Variants in CHRM3 observed in about 807,000 individuals in gnomAD.
The protein encoded by CHRM3 is cholinergic receptor muscarinic 3.
CHRM3 carries 11 observed loss-of-function variants against 41.8 expected under a neutral mutation model. That is an observed-to-expected ratio of 0.26 (90% CI 0.17 to 0.44). CHRM3 has a LOEUF of 0.44. Ranked by LOEUF, CHRM3 falls within the 20% of genes least tolerant of loss-of-function variation. The pLI, the probability that CHRM3 is intolerant of heterozygous loss-of-function variation, is 1.00. For synonymous variants in CHRM3, 297 were observed against 301.4 expected (o/e 0.99, Z 0.15); for missense variants, 571 against 745.4 (o/e 0.77, Z 2.72).
At chr1:239,503,347 A>T (rs960697624) in intron 2 of CHRM3, among the ~76,000 whole-genome samples, 2 of 152,134 alleles carry the variant, frequency 1.3e-5, no homozygotes, top group Non-Finnish European at 2.9e-5. Flanking sequence ...TTAGGAATAT[A>T]CCTAACCAAG....
At chr1:239,533,706 G>A (rs1306430551) in intron 2 of CHRM3, among the ~76,000 whole-genome samples, 1 of 139,766 alleles carries the variant, frequency 7.2e-6, no homozygotes, top group Non-Finnish European at 1.5e-5. Context: ...ACTCCAGCCT[G>A]GGCAACAAGA....
At chr1:239,413,096 G>A (rs1296318967) in intron 1 of CHRM3, among the ~76,000 whole-genome samples, 1 of 148,082 alleles carries the variant, frequency 6.8e-6, no homozygotes, top group African/African-American at 2.5e-5. Context: ...AAACAAAAAT[G>A]AAAAAAAAAA....
At chr1:239,503,654 G>A (rs1039099899) in intron 2 of CHRM3, among the ~76,000 whole-genome samples, 3 of 152,124 alleles carry the variant, frequency 2.0e-5, no homozygotes, top group African/African-American at 7.2e-5. Flanking sequence ...CACACTACCT[G>A]ATTTCCAACT....
chr1:239,890,575 AC>A (rs781166724), intron 6 of CHRM3, among the ~76,000 whole-genome samples: 14 of 152,080 alleles, frequency 9.2e-5, no homozygotes, highest in Non-Finnish European at 2.1e-4. Flanking sequence ...ATATTGAGGG[AC>A]CCACAGTAAG....
intron 5 of CHRM3, among the ~76,000 whole-genome samples, chr1:239,702,332 T>G (rs932482651): frequency 1.3e-5 from 2 of 152,152 alleles, no homozygotes; most frequent in African/African-American, 4.8e-5. Flanking sequence ...TTGGATTCAG[T>G]TCTGGCATTT....
rs574827445 is a variant in CHRM3, at chr1:239,558,581, A to G, written c.-313+12832A>G. 1.2e-4 allele frequency among the ~76,000 whole-genome samples: 18 copies of G among 152,246 alleles called. No individual in the cohort carries two copies. In the South Asian group the frequency reaches 2.9e-3, roughly 25 times the overall value. On this transcript the variant is annotated intron_variant, in intron 3 of 6. Transcript: ENST00000676153. The stretch of plus-strand genomic sequence containing the variant: ...TAGAACACATTTTCCCTAATTGCTT[A>G]CTTTCATTCAAGAATATTTAATTGA...
intron 3 of CHRM3, among the ~76,000 whole-genome samples, chr1:239,618,867 G>A (rs1572958534): frequency 2.8e-5 from 4 of 143,618 alleles, no homozygotes; most frequent in Admixed American, 7.0e-5. Flanking sequence ...AAAAAGTAAA[G>A]ATGACATTTA....
In CHRM3 at chr1:239,636,993, A is replaced by T. The variant is rs575483028; in HGVS notation, c.-250+4707A>T. 1.9e-4 allele frequency among the ~76,000 whole-genome samples: 29 copies of T among 152,316 alleles called. No homozygotes were observed. In the South Asian group the frequency reaches 5.8e-3, roughly 30 times the overall value. On this transcript the variant is annotated intron_variant, in intron 4 of 6. Coordinates refer to ENST00000676153, the MANE Select transcript of CHRM3 (RefSeq NM_001375978.1). The stretch of plus-strand genomic sequence containing the variant: ...TGGAGTATCTATATGAAATTTTGTG[A>T]AAGAAGTTCAGTTTGTATCCTCGGT...
intron 6 of CHRM3, among the ~76,000 whole-genome samples, chr1:239,891,085 C>G (rs1678515689): frequency 6.6e-6 from 1 of 152,130 alleles, no homozygotes. Flanking sequence ...AAATTGTCTA[C>G]TTACTGCCTG....
intron 2 of CHRM3, among the ~76,000 whole-genome samples, chr1:239,528,117 A>G (rs986236380): frequency 6.6e-6 from 1 of 152,230 alleles, no homozygotes; most frequent in Non-Finnish European, 1.5e-5. Flanking sequence ...GAAAGGTTGC[A>G]TTTAAAGGGA....
intron 2 of CHRM3, among the ~76,000 whole-genome samples, chr1:239,519,726 G>C (rs1427830870): frequency 6.9e-6 from 1 of 145,046 alleles, no homozygotes; most frequent in Non-Finnish European, 1.5e-5. Flanking sequence ...ATTTTCACGT[G>C]GTTAAAAACT....
chr1:239,676,181 T>TA (rs772706934), intron 4 of CHRM3, among the ~76,000 whole-genome samples: 1 of 152,174 alleles, frequency 6.6e-6, no homozygotes, highest in East Asian at 1.9e-4. Context: ...GCAAAGTTAC[T>TA]AAAGTACTAA....
At chr1:239,613,839 TGTAAA>T (rs1667332304) in intron 3 of CHRM3, among the ~76,000 whole-genome samples, 1 of 151,946 alleles carries the variant, frequency 6.6e-6, no homozygotes, top group South Asian at 2.1e-4. Flanking sequence ...TAATCAGAGA[TGTAAA>T]GTACTGACAG....
intron 2 of CHRM3, among the ~76,000 whole-genome samples, chr1:239,536,810 GTTA>G (rs965091435): frequency 9.9e-5 from 15 of 152,152 alleles, no homozygotes; most frequent in African/African-American, 3.4e-4. Context: ...GTACTTGAGA[GTTA>G]TTATGCATCC....
chr1:239,639,021 A>G (rs1387006265), intron 4 of CHRM3, among the ~76,000 whole-genome samples: 1 of 152,024 alleles, frequency 6.6e-6, no homozygotes, highest in Non-Finnish European at 1.5e-5. Flanking sequence ...TAAATAGGGA[A>G]TCCTTTCCCC....
rs1663813550 is a variant in CHRM3 at position 239,442,537 on chromosome 1, A to G, written c.-520-50172A>G. On this transcript the variant is annotated intron_variant, in intron 1 of 6. Transcript: ENST00000676153. ...GAAGCCAGTGTGTGAGGCCAGAAGC[A>G]GTGATATTTCTTTATCCTGCCCATG... Among the ~76,000 whole-genome samples the G allele has an allele frequency of 2.0e-5, 3 of 152,172 alleles. No individual in the cohort carries two copies. In the East Asian group the frequency reaches 5.8e-4, roughly 29 times the overall value.
At chr1:239,822,587 G>A (rs980797017) in intron 5 of CHRM3, among the ~76,000 whole-genome samples, 1 of 152,188 alleles carries the variant, frequency 6.6e-6, no homozygotes, top group African/African-American at 2.4e-5. Flanking sequence ...ATTTAAAAAT[G>A]TAGACTGAGC....
chr1:239,908,442 C>T lies in CHRM3; in HGVS notation c.991C>T (p.His331Tyr). ...CAGCTCCGAGCAGATGGACCAAGAC[C>T]ACAGCAGCAGTGACAGTTGGAACAA... ...KPSSEQMDQD[H>Y]SSSDSWNNND... The change falls in exon 7 of 7, where the codon CAC becomes TAC. Residue 331 changes from histidine (H) to tyrosine (Y), a missense_variant. His to Tyr is a moderately conservative substitution (Grantham distance 83). Coordinates refer to ENST00000676153, the MANE Select transcript of CHRM3 (RefSeq NM_001375978.1). This position sits in a 1 kb window ranked among gnomAD's most constrained non-coding sequence, Gnocchi z 7.2. 1 of 1,613,926 alleles carries T rather than the reference C, an allele frequency of 6.2e-7. No homozygotes were observed. Among genetic ancestry groups the T allele is most frequent in the South Asian group, 1.1e-5 (1 of 91,060 alleles).
intron 6 of CHRM3, among the ~76,000 whole-genome samples, chr1:239,830,609 C>T (rs970622738): frequency 2.6e-5 from 4 of 152,174 alleles, no homozygotes; most frequent in Admixed American, 6.5e-5. Flanking sequence ...GAGGCTAAGG[C>T]AGGAGAATTG....
Sources: gnomAD v4.1 joint callset for allele counts (sites outside exome capture counted in the v4.1 genomes callset) on GRCh38, gnomAD v4.1.1 for gene constraint, Gnocchi (gnomAD v3.1) non-coding constraint, MANE v1.5 for transcripts, NCBI Gene and HGNC (gene_info 2026-07-23, HGNC 2026-07-21) for gene names.